Variants in EPB41 observed in about 807,000 individuals in gnomAD.
EPB41 encodes protein 4.1.
Under a neutral mutation model 108.0 loss-of-function variants are expected in EPB41, and 65 were observed. The ratio of observed to expected loss-of-function variants is 0.60; its 90% confidence interval spans 0.49 to 0.74. EPB41 has a LOEUF of 0.74. Ranked by LOEUF, EPB41 falls within the 30% of genes least tolerant of loss-of-function variation. The probability of loss-of-function intolerance (pLI) is 0.00; values close to 1 mark genes in which losing one functional copy is unlikely to be tolerated. For synonymous variants in EPB41, 336 were observed against 358.9 expected (o/e 0.94, Z 0.72); for missense variants, 875 against 1,037.0 (o/e 0.84, Z 2.15).
upstream of EPB41, among the ~76,000 whole-genome samples, chr1:28,912,758 C>T (rs891404594): frequency 6.6e-6 from 1 of 151,826 alleles, no homozygotes; most frequent in Non-Finnish European, 1.5e-5. Context: ...ACTGAGATTA[C>T]AGGTGCCTGC....
chr1:28,902,442 A>G (rs1181495618), intron 1 of EPB41: 3 of 943,498 alleles, frequency 3.2e-6, no homozygotes, highest in Non-Finnish European at 2.5e-6. Flanking sequence ...AGCAGAAATC[A>G]TAGCAGAGAG....
intron 4 of EPB41, among the ~76,000 whole-genome samples, chr1:29,004,461 A>G (rs1182370858): frequency 6.6e-6 from 1 of 152,244 alleles, no homozygotes; most frequent in African/African-American, 2.4e-5. Context: ...TGGAGTGACT[A>G]TTAAATAAAG....
rs187768482 is a variant in EPB41 at position 28,973,505 on chromosome 1, T to C, written c.-7-13926T>C. Among the ~76,000 whole-genome samples, 866 of 152,258 alleles carry C rather than the reference T, an allele frequency of 5.7e-3. 9 individuals carry two copies. The highest frequency in any genetic ancestry group is 0.02 in the African/African-American group (815 of 41,536). On this transcript the variant is annotated intron_variant, in intron 1 of 20. Coordinates refer to ENST00000343067, the MANE Select transcript of EPB41 (RefSeq NM_001376013.1). ...CCTGGGCTCAAGCAATTCTTCTGCC[T>C]CAGCCTCCCAGATAGCTATGACTAC...
Position 29,075,837 on chromosome 1 carries a change from T to C in EPB41, c.2184+10679T>C, listed in dbSNP as rs556090982. Among the ~76,000 whole-genome samples, 3 of 152,352 alleles carry C rather than the reference T, an allele frequency of 2.0e-5. No individual in the cohort carries two copies. The East Asian group carries it at 5.8e-4, about 29-fold the overall frequency. ...ACAAGGATGCAAAGAGTCAGCATTA[T>C]CAGAATTTTAGGGATTGGATAGGAT... On this transcript the variant is annotated intron_variant, in intron 16 of 20. Transcript: ENST00000343067.
chr1:28,927,370 GA>G (rs1258355070), intron 1 of EPB41, among the ~76,000 whole-genome samples: 1 of 151,908 alleles, frequency 6.6e-6, no homozygotes, highest in Non-Finnish European at 1.5e-5. Flanking sequence ...TTTTACCTGT[GA>G]AAAAAAATTT....
At chr1:28,938,979 T>C (rs182793052) in intron 1 of EPB41, among the ~76,000 whole-genome samples, 4 of 152,328 alleles carry the variant, frequency 2.6e-5, no homozygotes. Flanking sequence ...AAAATTTCTT[T>C]TCTAGGCCTA....
At chr1:29,006,415 T>C (rs1206687072) in intron 4 of EPB41, among the ~76,000 whole-genome samples, 1 of 151,882 alleles carries the variant, frequency 6.6e-6, no homozygotes, top group Non-Finnish European at 1.5e-5. Context: ...TTTTTTGAGT[T>C]TTTAGTAGAG....
Position 28,917,568 on chromosome 1 carries a change from C to T in EPB41, c.-8+2800C>T, listed in dbSNP as rs138343139. Among the ~76,000 whole-genome samples, 549 of 151,662 alleles carry T rather than the reference C, an allele frequency of 3.6e-3. 6 individuals carry two copies. Among genetic ancestry groups the T allele is most frequent in the African/African-American group, 0.012 (509 of 41,300 alleles). On this transcript the variant is annotated intron_variant, in intron 1 of 20. Transcript: ENST00000343067. Reference sequence around the variant, plus strand: ...TGCTGGGATTACAGGCATGAGCCACCGTGCCTGGCCCTGTATACATATGTT... The same window carrying T: ...TGCTGGGATTACAGGCATGAGCCACTGTGCCTGGCCCTGTATACATATGTT...
At chr1:28,889,717 G>C (rs1338429150) in intron 1 of EPB41, 1 of 676,326 alleles carries the variant, frequency 1.5e-6, no homozygotes, top group Non-Finnish European at 1.8e-6. Flanking sequence ...TGGGGTGGTG[G>C]GAGTGAGGAG....
chr1:29,077,488 A>G (rs1214130457), intron 16 of EPB41, among the ~76,000 whole-genome samples: 6 of 152,338 alleles, frequency 3.9e-5, no homozygotes, highest in East Asian at 1.9e-4. Flanking sequence ...TAGGGTACAC[A>G]TCTGTATAAA....
intron 16 of EPB41, chr1:29,070,367 C>A (rs1437629875): frequency 5.2e-5 from 64 of 1,231,944 alleles, no homozygotes; most frequent in Non-Finnish European, 6.4e-5. Flanking sequence ...AAAGCAGACA[C>A]AGGAACGTGC....
At chr1:28,915,060 C>T (rs921979201) in intron 1 of EPB41, among the ~76,000 whole-genome samples, 1 of 33,912 alleles carries the variant, frequency 2.9e-5, no homozygotes, top group Non-Finnish European at 5.7e-5. Context: ...TTTTGACGGT[C>T]CCCTCGGGTG....
intron 1 of EPB41, among the ~76,000 whole-genome samples, chr1:28,908,884 T>G (rs2092041702): frequency 6.6e-6 from 1 of 151,638 alleles, no homozygotes; most frequent in African/African-American, 2.4e-5. Flanking sequence ...AGTTTTAGGC[T>G]GAGCCTGGTG....
At chr1:28,993,230 G>A (rs2096069771) in intron 2 of EPB41, 100 bp from the exon 3 acceptor site, 2 of 964,096 alleles carry the variant, frequency 2.1e-6, no homozygotes, top group East Asian at 4.8e-5. Flanking sequence ...ATTTGTTTTA[G>A]TTCATGCTTT....
chr1:29,001,849 G>C (rs2096299727), intron 4 of EPB41, among the ~76,000 whole-genome samples: 1 of 151,894 alleles, frequency 6.6e-6, no homozygotes, highest in African/African-American at 2.4e-5. Context: ...TCTTGGTGTG[G>C]GTTGATTTTC....
chr1:28,908,442 T>TAC (rs200274604), intron 1 of EPB41, among the ~76,000 whole-genome samples: 9 of 123,784 alleles, frequency 7.3e-5, no homozygotes, highest in African/African-American at 2.5e-4. Context: ...TTATTATTAT[T>TAC]TTTTTTTGAG....
chr1:28,960,001 C>CTTTTT (rs776338332), intron 1 of EPB41, among the ~76,000 whole-genome samples: 3 of 128,250 alleles, frequency 2.3e-5, no homozygotes, highest in African/African-American at 5.7e-5. Flanking sequence ...TTTTTCTTTT[C>CTTTTT]TTTTTTTTTT....
chr1:28,979,589 A>C (rs1454707460), intron 1 of EPB41, among the ~76,000 whole-genome samples: 1 of 151,454 alleles, frequency 6.6e-6, no homozygotes, highest in African/African-American at 2.4e-5. Flanking sequence ...ATGGTGAACT[A>C]TTCTTGATTA....
intron 4 of EPB41, among the ~76,000 whole-genome samples, chr1:29,011,650 C>T (rs986355566): frequency 5.3e-5 from 8 of 152,152 alleles, no homozygotes; most frequent in South Asian, 2.1e-4. Flanking sequence ...GTCACTCAGC[C>T]AGGAAGTAGT....
Sources: allele counts gnomAD v4.1 joint callset (sites outside exome capture counted in the v4.1 genomes callset), GRCh38; gene constraint gnomAD v4.1.1; transcripts MANE v1.5; gene names NCBI Gene and HGNC (gene_info 2026-07-23, HGNC 2026-07-21).